HELQ: variants seen among roughly 807,000 people sequenced by gnomAD.
The protein encoded by HELQ is helicase POLQ-like.
Under a neutral mutation model 111.6 loss-of-function variants are expected in HELQ, and 77 were observed. That is an observed-to-expected ratio of 0.69 (90% CI 0.57 to 0.83). The LOEUF (loss-of-function observed/expected upper bound fraction) is 0.83. Ranked by LOEUF, HELQ falls within the 40% of genes least tolerant of loss-of-function variation. The pLI, the probability that HELQ is intolerant of heterozygous loss-of-function variation, is 0.00. For synonymous variants in HELQ, 438 were observed against 454.7 expected (o/e 0.96, Z 0.47); for missense variants, 1,200 against 1,288.5 (o/e 0.93, Z 1.05).
At chr4:83,443,148 GAT>G (rs1403630095) in intron 6 of HELQ, among the ~76,000 whole-genome samples, 2 of 151,872 alleles carry the variant, frequency 1.3e-5, no homozygotes, top group Non-Finnish European at 2.9e-5. Context: ...TAAATTTTAA[GAT>G]ATATTTTTTA....
At chr4:83,434,700 G>A (rs1720352487) in intron 9 of HELQ, among the ~76,000 whole-genome samples, 1 of 152,068 alleles carries the variant, frequency 6.6e-6, no homozygotes, top group Non-Finnish European at 1.5e-5. Flanking sequence ...CTGGGCTCAA[G>A]CAATCCTCCT....
intron 17 of HELQ, among the ~76,000 whole-genome samples, chr4:83,413,232 A>G (rs1739194207): frequency 6.6e-6 from 1 of 152,202 alleles, no homozygotes; most frequent in Non-Finnish European, 1.5e-5. Context: ...AACCCAGAGA[A>G]GAGGTTGAGG....
chr4:83,447,767 CAT>C (rs1721130375), intron 3 of HELQ, among the ~76,000 whole-genome samples: 1 of 148,174 alleles, frequency 6.7e-6, no homozygotes, highest in African/African-American at 2.5e-5. Context: ...GGTCGTGGGG[CAT>C]GAGAATTACT....
In HELQ at chr4:83,432,172, G is replaced by A. The variant is rs1720188810; in HGVS notation, c.2144C>T (p.Thr715Ile). The change falls in exon 10 of 18, where the codon ACT becomes ATT. Residue 715 changes from threonine (T) to isoleucine (I), a missense_variant. Coordinates refer to ENST00000295488, the MANE Select transcript of HELQ (RefSeq NM_133636.5). The stretch of plus-strand genomic sequence containing the variant: ...CAATATGAGGATACTCTCCCCAATA[G>A]TATCTATTCCAGCACGACCAGCTCT... ...IGRAGRAGIDTIGESILILQE... is the reference protein window; with the variant it reads ...IGRAGRAGIDIIGESILILQE... 2 of 1,601,320 alleles carry A rather than the reference G, an allele frequency of 1.2e-6. No individual in the cohort carries two copies. The highest frequency in any genetic ancestry group is 1.7e-6 in the Non-Finnish European group (2 of 1,173,792).
intron 2 of HELQ, among the ~76,000 whole-genome samples, chr4:83,451,479 G>A (rs1475656470): frequency 6.6e-6 from 1 of 151,684 alleles, no homozygotes; most frequent in African/African-American, 2.4e-5. Flanking sequence ...TGGCTAACAC[G>A]GTGAAACCTT....
intron 2 of HELQ, 130 bp from the exon 3 acceptor site, chr4:83,449,091 C>T: frequency 4.2e-6 from 3 of 709,660 alleles, no homozygotes; most frequent in Non-Finnish European, 6.8e-6. Context: ...TAATTATAAC[C>T]AATGTTACAT....
chr4:83,427,782 T>A, intron 12 of HELQ, 62 bp from the exon 13 acceptor site: 1 of 1,214,088 alleles, frequency 8.2e-7, no homozygotes, highest in Admixed American at 3.1e-5. Flanking sequence ...GAGATGGCTT[T>A]AAATATTGTG....
intron 9 of HELQ, among the ~76,000 whole-genome samples, chr4:83,434,750 A>G (rs1720357905): frequency 6.6e-6 from 1 of 152,106 alleles, no homozygotes; most frequent in Non-Finnish European, 1.5e-5. Context: ...AAAAAAACTG[A>G]TTTTTTGATA....
chr4:83,416,880 A>G lies in HELQ; in HGVS notation c.3064-15T>C. 6.3e-7 allele frequency: 1 copy of G among 1,584,104 alleles called. No homozygotes were observed. The highest frequency in any genetic ancestry group is 8.6e-7 in the Non-Finnish European group (1 of 1,169,292). On this transcript the variant is annotated splice_polypyrimidine_tract_variant and intron_variant, in intron 16 of 17. Coordinates refer to ENST00000295488, the MANE Select transcript of HELQ (RefSeq NM_133636.5). ...TTTGCTCGACCCTGAAAAGTGTTAC[A>G]AAAATCAGTAGGATAATAGTTTGGG... is the stretch of plus-strand genomic sequence containing the variant.
At position 83,446,020 on chromosome 4, in the gene HELQ, T is replaced by C. The variant is rs761080919; in HGVS notation, c.1459A>G (p.Thr487Ala). 1.4e-5 allele frequency: 22 copies of C among 1,601,828 alleles called. No homozygotes were observed. Among genetic ancestry groups the C allele is most frequent in the Non-Finnish European group, 1.7e-5 (20 of 1,169,016 alleles). The change falls in exon 5 of 18, where the codon ACT becomes GCT. Residue 487 changes from threonine (T) to alanine (A), a missense_variant. Thr to Ala is a moderately conservative substitution (Grantham distance 58). Coordinates refer to ENST00000295488, the MANE Select transcript of HELQ (RefSeq NM_133636.5). ...LEMTLAKILYTSKTTQIIGMS... is the reference protein window; with the variant it reads ...LEMTLAKILYASKTTQIIGMS... ...CATTTGAAAAAATACTTACTGCTAG[T>C]GTAGAGGATTTTTGCTAGGGTCATT...
intron 17 of HELQ, 42 bp downstream of exon 17, chr4:83,416,689 T>C (rs770350446): frequency 3.1e-6 from 5 of 1,595,332 alleles, no homozygotes; most frequent in Admixed American, 3.5e-5. Flanking sequence ...GAAATAACAC[T>C]ACGCAAGATT....
Position 83,416,847 on chromosome 4 carries a change from A to G in HELQ, c.3082T>C (p.Tyr1028His), listed in dbSNP as rs1244859367. 6.2e-7 allele frequency: 1 copy of G among 1,608,800 alleles called. No individual in the cohort carries two copies. Among genetic ancestry groups the G allele is most frequent in the Non-Finnish European group, 8.5e-7 (1 of 1,178,230 alleles). Residue 1028 changes from tyrosine (Y) to histidine (H), a missense_variant, in exon 17 of 18, where the codon TAC (tyrosine) becomes CAC (histidine). Physicochemically the swap from Tyr to His is moderately conservative, Grantham distance 83. Transcript: ENST00000295488. ...ATTAGACTTTTGTAACCTGCACTGT[A>G]TAACTGTTTTGCTCGACCCTGAAAA... The part of the protein sequence containing the change: ...GVLEGRAKQL[Y>H]SAGYKSLMHL...
intron 2 of HELQ, 186 bp downstream of exon 2, chr4:83,453,045 T>C (rs1721483516): frequency 1.9e-6 from 1 of 524,078 alleles, no homozygotes; most frequent in Non-Finnish European, 3.3e-6. Context: ...AGTGTGACTG[T>C]GAGGGAAGGA....
At chr4:83,454,148 A>G (rs1721584320) in intron 1 of HELQ, among the ~76,000 whole-genome samples, 1 of 152,198 alleles carries the variant, frequency 6.6e-6, no homozygotes. Context: ...GGTTGCGGTA[A>G]GCCCAGATCG....
chr4:83,418,752 G>C (rs1739493756), intron 15 of HELQ, among the ~76,000 whole-genome samples: 1 of 152,048 alleles, frequency 6.6e-6, no homozygotes, highest in Admixed American at 6.6e-5. Flanking sequence ...TCTAGCCTTT[G>C]GATATCACTG....
chr4:83,423,127 A>C (rs1327823786), intron 14 of HELQ, among the ~76,000 whole-genome samples: 2 of 152,078 alleles, frequency 1.3e-5, no homozygotes, highest in Non-Finnish European at 2.9e-5. Context: ...AAAAAGAAAA[A>C]GTAGGTATAA....
intron 16 of HELQ, 34 bp downstream of exon 16, chr4:83,418,059 A>C (rs115889524): frequency 0.021 from 25,104 of 1,189,786 alleles, 315 homozygotes; most frequent in Non-Finnish European, 0.026. Flanking sequence ...TTAATTCAAC[A>C]TAATTTCAAT....
At chr4:83,454,238 A>C (rs187113117) in intron 1 of HELQ, among the ~76,000 whole-genome samples, 89 of 152,230 alleles carry the variant, frequency 5.8e-4, no homozygotes, top group African/African-American at 3.4e-4. Context: ...CAAAACCCCC[A>C]AAAAACACTT....
intron 17 of HELQ, among the ~76,000 whole-genome samples, chr4:83,409,049 T>G (rs1384094112): frequency 6.6e-6 from 1 of 152,046 alleles, no homozygotes; most frequent in East Asian, 1.9e-4. Flanking sequence ...AAATTTACAA[T>G]CTTGTAGGGC....
Sources: allele counts gnomAD v4.1 joint callset (sites outside exome capture counted in the v4.1 genomes callset), GRCh38; gene constraint gnomAD v4.1.1; transcripts MANE v1.5; gene names NCBI Gene and HGNC (gene_info 2026-07-23, HGNC 2026-07-21).